MAGI2: variants seen among roughly 807,000 people sequenced by gnomAD.
MAGI2 encodes membrane-associated guanylate kinase, WW and PDZ domain-containing protein 2.
MAGI2 carries 35 observed loss-of-function variants against 133.3 expected under a neutral mutation model. The ratio of observed to expected loss-of-function variants is 0.26; its 90% CI spans 0.20 to 0.35. The LOEUF is 0.35. Among genes scored for constraint, MAGI2 ranks in the 10% least tolerant of loss-of-function variants. The pLI, the probability that MAGI2 is intolerant of heterozygous loss-of-function variation, is 1.00. For missense variants in MAGI2, 1,636 were observed against 1,863.4 expected, an observed-to-expected ratio of 0.88 and a Z score of 2.25; for synonymous variants, 729 against 710.6, an observed-to-expected ratio of 1.03 and a Z score of -0.41.
chr7:78,960,133 T>C (rs1802719153), intron 2 of MAGI2, among the ~76,000 whole-genome samples: 2 of 152,046 alleles, frequency 1.3e-5, no homozygotes, highest in African/African-American at 2.4e-5. Flanking sequence ...ATTCAGAAGG[T>C]GGTACTCCCT....
chr7:78,580,403 T>A lies in MAGI2; in HGVS notation c.538+46717A>T, dbSNP rs1802712962. Among the ~76,000 whole-genome samples, 3 of 152,360 alleles carry A rather than the reference T, an allele frequency of 2.0e-5. No individual in the cohort carries two copies. In the South Asian group the frequency reaches 6.2e-4, roughly 32 times the overall value. ...GTAATGATGTACGTGTTCAGTCACA[T>A]GTACAATCCATGTAGAACAACTCAC... On this transcript the variant is annotated intron_variant, in intron 3 of 21. Transcript: ENST00000354212.
chr7:78,744,818 GA>G (rs1369870543), intron 2 of MAGI2, among the ~76,000 whole-genome samples: 37 of 152,238 alleles, frequency 2.4e-4, no homozygotes, highest in African/African-American at 8.2e-4. Context: ...AGAAAAAATA[GA>G]CATGCAAAAA....
intron 2 of MAGI2, among the ~76,000 whole-genome samples, chr7:78,701,946 A>G (rs186626790): frequency 5.9e-4 from 90 of 152,132 alleles, no homozygotes; most frequent in African/African-American, 2.0e-3. Context: ...ATGATGCATC[A>G]TATCTATTTA....
At chr7:79,185,498 T>C (rs964257656) in intron 1 of MAGI2, among the ~76,000 whole-genome samples, 1 of 148,774 alleles carries the variant, frequency 6.7e-6, no homozygotes, top group Non-Finnish European at 1.5e-5. Context: ...CATGTGGCAG[T>C]TGGTTACCAA....
intron 1 of MAGI2, among the ~76,000 whole-genome samples, chr7:79,303,296 T>C (rs1837522609): frequency 1.2e-4 from 2 of 17,244 alleles, no homozygotes; most frequent in South Asian, 0.011. Context: ...CCAAAAGCCA[T>C]TGAAATAAAA....
At chr7:78,068,887 G>C (rs571719311) in intron 21 of MAGI2, among the ~76,000 whole-genome samples, 10 of 152,232 alleles carry the variant, frequency 6.6e-5, no homozygotes, top group East Asian at 1.9e-4. Flanking sequence ...CATCTTTTCT[G>C]TAATGTCTCT....
chr7:78,628,390 C>A (rs983312764), intron 2 of MAGI2, among the ~76,000 whole-genome samples: 5 of 152,006 alleles, frequency 3.3e-5, no homozygotes, highest in Non-Finnish European at 5.9e-5. Flanking sequence ...ATTTTAAATC[C>A]TTAAATTTTA....
intron 9 of MAGI2, among the ~76,000 whole-genome samples, chr7:78,269,329 T>A (rs959652048): frequency 7.2e-5 from 11 of 152,322 alleles, no homozygotes; most frequent in Admixed American, 2.0e-4. Flanking sequence ...TCAAATGGTA[T>A]TTCTAGTTCT....
At chr7:79,047,070 A>T (rs748286295) in intron 1 of MAGI2, among the ~76,000 whole-genome samples, 2 of 152,148 alleles carry the variant, frequency 1.3e-5, no homozygotes, top group Non-Finnish European at 2.9e-5. Context: ...GAATATTCTT[A>T]TATTCTCCCT....
chr7:79,098,648 A>T lies in MAGI2; in HGVS notation c.302-91442T>A, dbSNP rs576901350. ...TCTTTGTTCCTGTCTAAATCTTTGCAATTAATTTTTGTATATTGTTCCAAA... is the reference window on the plus strand; with the variant it reads ...TCTTTGTTCCTGTCTAAATCTTTGCTATTAATTTTTGTATATTGTTCCAAA... On this transcript the variant is annotated intron_variant, in intron 1 of 21. Coordinates refer to ENST00000354212, the MANE Select transcript of MAGI2 (RefSeq NM_012301.4). Among the ~76,000 whole-genome samples the T allele has an allele frequency of 9.8e-5, 15 of 152,318 alleles. No individual in the cohort carries two copies. In the South Asian group the frequency reaches 3.1e-3, roughly 32 times the overall value.
chr7:78,210,389 A>G (rs1358024042), intron 10 of MAGI2, among the ~76,000 whole-genome samples: 12 of 152,304 alleles, frequency 7.9e-5, no homozygotes, highest in African/African-American at 2.4e-4. Flanking sequence ...ATGGAGAAGT[A>G]CTATAAAGGA....
chr7:78,286,684 A>G (rs1286082388), intron 9 of MAGI2, among the ~76,000 whole-genome samples: 1 of 152,068 alleles, frequency 6.6e-6, no homozygotes, highest in Non-Finnish European at 1.5e-5. Flanking sequence ...CTGGAAAGCT[A>G]TATACTAGAA....
At chr7:79,342,755 G>A (rs56730868) in intron 1 of MAGI2, among the ~76,000 whole-genome samples, 15 of 98,678 alleles carry the variant, frequency 1.5e-4, no homozygotes, top group East Asian at 6.1e-4. Flanking sequence ...TTATTTATTT[G>A]TTTGTTTATT....
intron 3 of MAGI2, among the ~76,000 whole-genome samples, chr7:78,610,903 C>A (rs1437018177): frequency 6.6e-6 from 1 of 152,134 alleles, no homozygotes; most frequent in African/African-American, 2.4e-5. Flanking sequence ...AATACATTCC[C>A]AATGGGAAAC....
intron 10 of MAGI2, among the ~76,000 whole-genome samples, chr7:78,225,324 C>A (rs543342316): frequency 1.1e-4 from 16 of 152,026 alleles, no homozygotes; most frequent in African/African-American, 3.6e-4. Flanking sequence ...AGTGAAGACC[C>A]TTCCCACATT....
rs867418087 is a variant in MAGI2, at chr7:78,997,605, T to A, written c.418+9485A>T. 2.6e-3 allele frequency among the ~76,000 whole-genome samples: 312 copies of A among 119,496 alleles called. 1 individual carries two copies. Among genetic ancestry groups the A allele is most frequent in the Middle Eastern group, 8.7e-3 (2 of 230 alleles). The allele number at this position is 119,496 out of a possible 152,430, so 78.4% of individuals were successfully genotyped here. Reference sequence around the variant, plus strand: ...TGACAGAGCGAGACTCCATCTCAATTAAAAAAAAAAAAAAAAAGGCAGGAT... The same window carrying A: ...TGACAGAGCGAGACTCCATCTCAATAAAAAAAAAAAAAAAAAAGGCAGGAT... On this transcript the variant is annotated intron_variant, in intron 2 of 21. Coordinates refer to ENST00000354212, the MANE Select transcript of MAGI2 (RefSeq NM_012301.4).
At chr7:78,248,415 A>G (rs1273006904) in intron 10 of MAGI2, among the ~76,000 whole-genome samples, 1 of 152,184 alleles carries the variant, frequency 6.6e-6, no homozygotes, top group African/African-American at 2.4e-5. Flanking sequence ...GTAAGTCCTT[A>G]TCTATCAATA....
At chr7:78,875,073 A>G (rs511615) in intron 2 of MAGI2, among the ~76,000 whole-genome samples, 81,508 of 151,988 alleles carry the variant, frequency 0.54, 23,830 homozygotes, top group Middle Eastern at 0.69. Context: ...GAAGCAAAAA[A>G]GCTGCAGAAA....
chr7:79,053,012 C>T (rs967821580), intron 1 of MAGI2, among the ~76,000 whole-genome samples: 3 of 152,126 alleles, frequency 2.0e-5, no homozygotes, highest in Admixed American at 6.6e-5. Context: ...CTCACTCTGT[C>T]GTCCAGGCTG....
Sources: allele counts gnomAD v4.1 joint callset (sites outside exome capture counted in the v4.1 genomes callset), GRCh38; gene constraint gnomAD v4.1.1; transcripts MANE v1.5; gene names NCBI Gene and HGNC (gene_info 2026-07-23, HGNC 2026-07-21).